PDK1: variants seen among roughly 807,000 people sequenced by gnomAD.
PDK1 encodes [Pyruvate dehydrogenase (acetyl-transferring)] kinase isozyme 1, mitochondrial.
A neutral mutation model predicts 54.2 loss-of-function variants in PDK1; 39 were observed. That is an observed-to-expected ratio of 0.72 (90% confidence interval 0.56 to 0.94). The LOEUF (loss-of-function observed/expected upper bound fraction) is 0.94, where lower values mean the gene tolerates loss of function less well. Ranked by LOEUF, PDK1 falls within the 40% of genes least tolerant of loss-of-function variation. The pLI is 0.00. For missense variants in PDK1, 552 were observed against 566.0 expected, an observed-to-expected ratio of 0.98 and a Z score of 0.25; for synonymous variants, 221 against 207.1, an observed-to-expected ratio of 1.07 and a Z score of -0.58.
At chr2:172,556,029 G>A (rs983655860), upstream of PDK1, 34 of 680,826 alleles carry the variant, frequency 5.0e-5, no homozygotes, top group Non-Finnish European at 6.7e-5. Context: ...CTAGGAGGGT[G>A]GGGGCCGCGC....
At chr2:172,716,388 G>T in the PDK1 span, among the ~76,000 whole-genome samples, 3 of 151,908 alleles carry the variant, frequency 2.0e-5, no homozygotes, top group African/African-American at 7.3e-5. Flanking sequence ...AGGCTGGAGT[G>T]CAGTGGCGTA....
the PDK1 span, among the ~76,000 whole-genome samples, chr2:172,681,822 G>A: frequency 1.3e-5 from 2 of 152,066 alleles, no homozygotes; most frequent in Non-Finnish European, 2.9e-5. Flanking sequence ...GGAGTGGTAC[G>A]ATCTCTGCTC....
the PDK1 span, among the ~76,000 whole-genome samples, chr2:172,671,110 G>A: frequency 6.7e-6 from 1 of 149,746 alleles, no homozygotes; most frequent in Non-Finnish European, 1.5e-5. Context: ...TTTTTTAAAA[G>A]CACAACTTAA....
the PDK1 span, among the ~76,000 whole-genome samples, chr2:172,722,021 A>G: frequency 1.3e-5 from 2 of 152,244 alleles, no homozygotes; most frequent in Admixed American, 6.5e-5. Context: ...GTGTTCTAGC[A>G]AATATAAAAT....
chr2:172,613,564 C>G (rs1402424177), downstream of PDK1, among the ~76,000 whole-genome samples: 2 of 152,132 alleles, frequency 1.3e-5, no homozygotes, highest in Non-Finnish European at 2.9e-5. Flanking sequence ...AAATAATCCT[C>G]CCACCTCAGC....
chr2:172,723,343 A>G, the PDK1 span: 1 of 152,224 alleles, frequency 6.6e-6, no homozygotes, highest in African/African-American at 2.4e-5. Flanking sequence ...ATCCAAACAA[A>G]ATCTTAGCTT....
intron 10 of PDK1, among the ~76,000 whole-genome samples, chr2:172,594,443 CTAA>C (rs1216593123): frequency 1.3e-5 from 2 of 152,126 alleles, no homozygotes; most frequent in Non-Finnish European, 2.9e-5. Context: ...ATAAAATACA[CTAA>C]TGATAGCTGA....
chr2:172,629,130 CA>C, the PDK1 span, among the ~76,000 whole-genome samples: 6 of 148,150 alleles, frequency 4.0e-5, no homozygotes, highest in South Asian at 2.1e-4. Context: ...GACCCCGGCT[CA>C]AAAAAAAAAT....
rs967247787 is a variant in PDK1, at chr2:172,594,927, T to C, written c.1171-902T>C. Reference sequence around the variant, plus strand: ...TATGGAAAACTGAAATCATGCATGATGCAGAAATCTTGTGCACAGTGACTG... The same window carrying C: ...TATGGAAAACTGAAATCATGCATGACGCAGAAATCTTGTGCACAGTGACTG... On this transcript the variant is annotated intron_variant, in intron 10 of 10. Transcript: ENST00000282077. 2.0e-5 allele frequency among the ~76,000 whole-genome samples: 3 copies of C among 152,162 alleles called. No individual in the cohort carries two copies. In the East Asian group the frequency reaches 5.8e-4, roughly 29 times the overall value.
At chr2:172,701,802 CT>C in the PDK1 span, among the ~76,000 whole-genome samples, 5 of 151,738 alleles carry the variant, frequency 3.3e-5, no homozygotes, top group African/African-American at 7.3e-5. Flanking sequence ...TGAGATGTTC[CT>C]TTTTACCTCT....
chr2:172,557,203 A>C (rs1688383735), intron 1 of PDK1, among the ~76,000 whole-genome samples: 1 of 152,138 alleles, frequency 6.6e-6, no homozygotes, highest in Admixed American at 6.5e-5. Flanking sequence ...TTTTGTTTTT[A>C]CTTTAAAATG....
intron 8 of PDK1, among the ~76,000 whole-genome samples, chr2:172,577,034 A>G (rs957574620): frequency 4.6e-5 from 7 of 152,144 alleles, no homozygotes; most frequent in African/African-American, 1.7e-4. Flanking sequence ...TCCATTGTTG[A>G]AAGTGGAGTA....
the PDK1 span, among the ~76,000 whole-genome samples, chr2:172,635,983 T>C: frequency 6.6e-6 from 1 of 152,370 alleles, no homozygotes; most frequent in East Asian, 1.9e-4. Flanking sequence ...GGCTCCTTTC[T>C]GCCTCCTAAC....
In PDK1 at chr2:172,566,872, T is replaced by G; in HGVS notation, c.708T>G (p.Ala236=). The part of the protein sequence containing the change: ...LEVIKDGYEN[A]RRLCDLYYIN... ...TCACACTAGATGGCTATGAAAATGC[T>G]AGGCGTCTGTGTGATTTGTATTATA... The change falls in exon 6 of 11, where the codon GCT becomes GCG. Residue 236 remains alanine, a synonymous_variant. Transcript: ENST00000282077. 1 of 1,610,048 alleles carries G rather than the reference T, an allele frequency of 6.2e-7. No individual in the cohort carries two copies. Among genetic ancestry groups the G allele is most frequent in the Non-Finnish European group, 8.5e-7 (1 of 1,176,824 alleles).
chr2:172,698,822 TA>T, the PDK1 span, among the ~76,000 whole-genome samples: 2 of 152,172 alleles, frequency 1.3e-5, no homozygotes, highest in African/African-American at 4.8e-5. Context: ...CAAGACCAAG[TA>T]AATGAGAATC....
At chr2:172,578,695 A>C (rs1689714245) in intron 8 of PDK1, among the ~76,000 whole-genome samples, 1 of 150,426 alleles carries the variant, frequency 6.6e-6, no homozygotes, top group Non-Finnish European at 1.5e-5. Context: ...TGCAGATCAG[A>C]TACTGCTGTC....
chr2:172,708,446 G>GT, the PDK1 span, among the ~76,000 whole-genome samples: 6 of 152,176 alleles, frequency 3.9e-5, no homozygotes, highest in Non-Finnish European at 7.3e-5. Flanking sequence ...CAAGAGGAGT[G>GT]TGCAAGCACA....
chr2:172,626,384 G>C, the PDK1 span, among the ~76,000 whole-genome samples: 1 of 152,168 alleles, frequency 6.6e-6, no homozygotes, highest in African/African-American at 2.4e-5. Flanking sequence ...TGCCAGCATA[G>C]TTATTTCGGA....
downstream of PDK1, among the ~76,000 whole-genome samples, chr2:172,612,406 G>A: frequency 1.3e-5 from 2 of 152,100 alleles, 1 homozygote; most frequent in Non-Finnish European, 2.9e-5. Context: ...CTGAATATAT[G>A]TTAGTAATTA....
Sources: gnomAD v4.1 joint callset for allele counts (sites outside exome capture counted in the v4.1 genomes callset) on GRCh38, gnomAD v4.1.1 for gene constraint, MANE v1.5 for transcripts, NCBI Gene and HGNC (gene_info 2026-07-23, HGNC 2026-07-21) for gene names.